COL24A1: variants seen among roughly 807,000 people sequenced by gnomAD.
COL24A1 encodes collagen alpha-1(XXIV) chain.
In COL24A1, 224 loss-of-function variants were observed where a neutral mutation model predicts 253.9. That is an observed-to-expected ratio of 0.88 (90% CI 0.79 to 0.99). The LOEUF (loss-of-function observed/expected upper bound fraction) is 0.99. COL24A1 is among the 50% of genes least tolerant of loss of function. COL24A1 has a pLI of 0.00. For missense variants in COL24A1, 2,131 were observed against 2,068.5 expected (o/e 1.03, Z -0.59); for synonymous variants, 685 against 673.7 (o/e 1.02, Z -0.26).
chr1:85,870,021 A>G (rs1488914853), intron 35 of COL24A1, among the ~76,000 whole-genome samples: 1 of 152,202 alleles, frequency 6.6e-6, no homozygotes, highest in East Asian at 1.9e-4. Context: ...AGCAAATGGA[A>G]AACAAAAAAA....
At chr1:85,923,141 C>G (rs559786092) in intron 24 of COL24A1, among the ~76,000 whole-genome samples, 1 of 152,296 alleles carries the variant, frequency 6.6e-6, no homozygotes, top group African/African-American at 2.4e-5. Flanking sequence ...ATATATGCAA[C>G]CAATACAAGA....
Position 86,137,155 on chromosome 1 carries a change from C to T in COL24A1, c.121+8964G>A, listed in dbSNP as rs148426857. Among the ~76,000 whole-genome samples the T allele has an allele frequency of 8.2e-4, 124 of 152,066 alleles. 1 individual carries two copies. Among genetic ancestry groups the T allele is most frequent in the African/African-American group, 2.8e-3 (118 of 41,498 alleles). On this transcript the variant is annotated intron_variant, in intron 2 of 59. Transcript: ENST00000370571. ...TGTTTACAAGAAATAACTAAGTTGC[C>T]GGAAGTAAATTGCTTGTTTTGTGAG...
At chr1:85,789,487 G>A (rs866635348) in intron 47 of COL24A1, among the ~76,000 whole-genome samples, 38 of 152,018 alleles carry the variant, frequency 2.5e-4, no homozygotes, top group Admixed American at 4.6e-4. Context: ...TCTAGATATA[G>A]GATCATTCAT....
intron 19 of COL24A1, among the ~76,000 whole-genome samples, chr1:85,992,500 C>T (rs1269810606): frequency 6.6e-6 from 1 of 152,066 alleles, no homozygotes; most frequent in Non-Finnish European, 1.5e-5. Flanking sequence ...TGATAACGTA[C>T]CTATAAAGGA....
Position 85,871,844 on chromosome 1 carries a change from C to G in COL24A1, c.3138+2805G>C, listed in dbSNP as rs529269891. Among the ~76,000 whole-genome samples the G allele has an allele frequency of 3.3e-5, 5 of 152,212 alleles. No individual in the cohort carries two copies. In the South Asian group the frequency reaches 1.0e-3, roughly 32 times the overall value. Reference sequence around the variant, plus strand: ...TTCAACATGGTGTTGGAAGTTCTGGCCAGGGCAATCAGGCAGGAGAAAGAA... The same window carrying G: ...TTCAACATGGTGTTGGAAGTTCTGGGCAGGGCAATCAGGCAGGAGAAAGAA... On this transcript the variant is annotated intron_variant, in intron 35 of 59. Coordinates refer to ENST00000370571, the MANE Select transcript of COL24A1 (RefSeq NM_152890.7).
intron 24 of COL24A1, among the ~76,000 whole-genome samples, chr1:85,916,450 A>G (rs1685905997): frequency 6.6e-6 from 1 of 152,172 alleles, no homozygotes; most frequent in Non-Finnish European, 1.5e-5. Flanking sequence ...AAGTTGGAGA[A>G]CATAAATTAA....
At chr1:86,145,485 AT>A (rs145167815) in intron 2 of COL24A1, among the ~76,000 whole-genome samples, 10,322 of 152,078 alleles carry the variant, frequency 0.068, 452 homozygotes, top group East Asian at 0.15. Context: ...TGCTACAGAC[AT>A]TATCTTATTT....
chr1:86,050,441 G>T (rs1700220995), intron 10 of COL24A1, among the ~76,000 whole-genome samples: 1 of 151,958 alleles, frequency 6.6e-6, no homozygotes, highest in South Asian at 2.1e-4. Flanking sequence ...TTTTATAGCG[G>T]GCAGAAAATA....
intron 24 of COL24A1, among the ~76,000 whole-genome samples, chr1:85,927,962 T>C (rs1687495335): frequency 9.2e-6 from 1 of 108,210 alleles, no homozygotes; most frequent in Admixed American, 1.0e-4. Flanking sequence ...CAAAAGTAGA[T>C]AAAACCACAA....
chr1:85,994,330 T>C (rs902967984), intron 19 of COL24A1, among the ~76,000 whole-genome samples: 1 of 151,710 alleles, frequency 6.6e-6, no homozygotes, highest in Non-Finnish European at 1.5e-5. Flanking sequence ...AAACATTCAA[T>C]GGCCTGAATT....
chr1:86,138,740 A>G (rs1209287047), intron 2 of COL24A1, among the ~76,000 whole-genome samples: 1 of 151,856 alleles, frequency 6.6e-6, no homozygotes, highest in East Asian at 1.9e-4. Context: ...ATTAAGACAT[A>G]CCCCTTACTT....
intron 43 of COL24A1, among the ~76,000 whole-genome samples, chr1:85,829,253 C>T (rs1247442446): frequency 6.6e-6 from 1 of 151,930 alleles, no homozygotes; most frequent in Non-Finnish European, 1.5e-5. Flanking sequence ...TATTGGCCCC[C>T]ACTCTCTTCT....
chr1:85,780,195 A>G (rs1422058042), intron 52 of COL24A1, among the ~76,000 whole-genome samples: 1 of 152,152 alleles, frequency 6.6e-6, no homozygotes, highest in African/African-American at 2.4e-5. Context: ...TTTTGTTTAC[A>G]TATCCAGTAA....
intron 24 of COL24A1, among the ~76,000 whole-genome samples, chr1:85,954,905 C>A (rs1690274741): frequency 6.6e-6 from 1 of 152,154 alleles, no homozygotes; most frequent in South Asian, 2.1e-4. Context: ...AATGGTACCA[C>A]CAGTATCTGG....
chr1:86,154,017 G>A (rs919638917), intron 1 of COL24A1: 5 of 152,030 alleles, frequency 3.3e-5, no homozygotes, highest in African/African-American at 7.2e-5. Context: ...TTTAAAAAGC[G>A]CTCCCTCTCT....
At chr1:85,802,759 C>T (rs576339540) in intron 47 of COL24A1, among the ~76,000 whole-genome samples, 1 of 152,140 alleles carries the variant, frequency 6.6e-6, no homozygotes, top group Non-Finnish European at 1.5e-5. Context: ...CTTCTATCTC[C>T]TGAAAACCCG....
At chr1:85,964,009 C>T (rs1310221883) in intron 23 of COL24A1, among the ~76,000 whole-genome samples, 1 of 152,106 alleles carries the variant, frequency 6.6e-6, no homozygotes, top group East Asian at 1.9e-4. Flanking sequence ...TAACTTTAGC[C>T]TCATACATAC....
chr1:85,914,390 TC>T (rs1685670318), intron 24 of COL24A1, among the ~76,000 whole-genome samples: 1 of 151,140 alleles, frequency 6.6e-6, no homozygotes, highest in African/African-American at 2.4e-5. Flanking sequence ...TTTTTTCTTT[TC>T]TTTTTTTTTT....
intron 20 of COL24A1, among the ~76,000 whole-genome samples, chr1:85,983,250 C>T (rs1693418689): frequency 6.6e-6 from 1 of 151,952 alleles, no homozygotes; most frequent in South Asian, 2.1e-4. Flanking sequence ...TTATTTGCTA[C>T]TCTTACCTTC....
Sources: allele counts gnomAD v4.1 joint callset (sites outside exome capture counted in the v4.1 genomes callset), GRCh38; gene constraint gnomAD v4.1.1; transcripts MANE v1.5; gene names NCBI Gene and HGNC (gene_info 2026-07-23, HGNC 2026-07-21).